DPP10: variants seen among roughly 807,000 people sequenced by gnomAD.
DPP10 encodes the protein dipeptidyl peptidase like 10.
Under a neutral mutation model 120.9 loss-of-function variants are expected in DPP10, and 33 were observed. The observed-to-expected ratio is 0.27, with a 90% CI of 0.21 to 0.37. The LOEUF (loss-of-function observed/expected upper bound fraction) is 0.37, where lower values mean the gene tolerates loss of function less well. Ranked by LOEUF, DPP10 falls within the 10% of genes least tolerant of loss-of-function variation. DPP10 has a pLI of 1.00. For missense variants in DPP10, 816 were observed against 942.8 expected (o/e 0.87, Z 1.76); for synonymous variants, 337 against 326.1 (o/e 1.03, Z -0.36).
At chr2:115,774,416 G>A (rs114546563) in intron 13 of DPP10, among the ~76,000 whole-genome samples, 1 of 152,078 alleles carries the variant, frequency 6.6e-6, no homozygotes, top group African/African-American at 2.4e-5. Flanking sequence ...TTAGTATCCT[G>A]TCCTTGGCTC....
intron 1 of DPP10, among the ~76,000 whole-genome samples, chr2:115,015,280 G>T (rs1453719614): frequency 6.6e-6 from 1 of 152,070 alleles, no homozygotes; most frequent in Non-Finnish European, 1.5e-5. Context: ...ATGCAGAAAA[G>T]GCCTTCGATA....
chr2:115,196,028 C>G (rs1213477065), intron 1 of DPP10, among the ~76,000 whole-genome samples: 1 of 152,286 alleles, frequency 6.6e-6, no homozygotes, highest in South Asian at 2.1e-4. Flanking sequence ...TCATGTCCAT[C>G]TGAAGTGTTT....
At chr2:115,290,098 C>T (rs2060592435) in intron 1 of DPP10, among the ~76,000 whole-genome samples, 1 of 151,926 alleles carries the variant, frequency 6.6e-6, no homozygotes, top group Non-Finnish European at 1.5e-5. Context: ...AACTATACAT[C>T]CAACAAAGGA....
intron 1 of DPP10, among the ~76,000 whole-genome samples, chr2:114,965,360 C>T (rs1698932680): frequency 6.6e-6 from 1 of 152,036 alleles, no homozygotes; most frequent in African/African-American, 2.4e-5. Flanking sequence ...TGGTCTCAAA[C>T]TCCTGACCTC....
chr2:115,303,578 T>A (rs937667666), intron 1 of DPP10, among the ~76,000 whole-genome samples: 1 of 151,966 alleles, frequency 6.6e-6, no homozygotes, highest in African/African-American at 2.4e-5. Flanking sequence ...GCATAGTGAA[T>A]GTTTTATATC....
chr2:114,934,339 C>T (rs956452170), intron 1 of DPP10, among the ~76,000 whole-genome samples: 1 of 152,138 alleles, frequency 6.6e-6, no homozygotes, highest in East Asian at 1.9e-4. Flanking sequence ...GTGGGTTACA[C>T]TTATTGTATA....
At chr2:115,426,605 AT>A (rs1479752157) in intron 3 of DPP10, among the ~76,000 whole-genome samples, 10 of 145,670 alleles carry the variant, frequency 6.9e-5, no homozygotes, top group African/African-American at 1.5e-4. Context: ...TGGAGATGAC[AT>A]TTCAACATGA....
intron 1 of DPP10, among the ~76,000 whole-genome samples, chr2:114,809,465 A>G (rs1258614387): frequency 6.6e-6 from 1 of 152,236 alleles, no homozygotes; most frequent in East Asian, 1.9e-4. Context: ...CTTCGATAAA[A>G]GTAGTCGATG....
chr2:115,213,531 A>G (rs773683069), intron 1 of DPP10, among the ~76,000 whole-genome samples: 11 of 152,040 alleles, frequency 7.2e-5, no homozygotes, highest in Non-Finnish European at 1.5e-4. Context: ...TTTTTAGACT[A>G]AAGTCTTTTT....
chr2:115,286,538 TATAAA>T (rs2060409296), intron 1 of DPP10, among the ~76,000 whole-genome samples: 1 of 113,884 alleles, frequency 8.8e-6, no homozygotes, highest in Non-Finnish European at 1.8e-5. Context: ...TATATATATA[TATAAA>T]ATATATACAG....
At chr2:114,512,331 T>C (rs1684214198) in intron 1 of DPP10, among the ~76,000 whole-genome samples, 1 of 152,212 alleles carries the variant, frequency 6.6e-6, no homozygotes, top group Non-Finnish European at 1.5e-5. Context: ...TCATTGTTAC[T>C]AAACTAACCA....
intron 1 of DPP10, among the ~76,000 whole-genome samples, chr2:114,766,464 T>G (rs1680711421): frequency 6.6e-6 from 1 of 152,186 alleles, no homozygotes; most frequent in African/African-American, 2.4e-5. Flanking sequence ...AGAAATGAAC[T>G]TTTATTCACA....
At chr2:115,565,903 A>C (rs1286482281) in intron 5 of DPP10, among the ~76,000 whole-genome samples, 2 of 150,422 alleles carry the variant, frequency 1.3e-5, no homozygotes, top group East Asian at 3.9e-4. Flanking sequence ...CTCCTGCCTC[A>C]GCCTCCCATG....
chr2:115,472,065 A>G (rs924040143), intron 3 of DPP10, among the ~76,000 whole-genome samples: 26 of 152,132 alleles, frequency 1.7e-4, no homozygotes, highest in Admixed American at 1.3e-3. Context: ...ATAAAAAAAC[A>G]TTCCTTGAGA....
intron 5 of DPP10, among the ~76,000 whole-genome samples, chr2:115,544,466 A>G (rs1463025678): frequency 2.0e-5 from 3 of 152,086 alleles, no homozygotes; most frequent in African/African-American, 4.8e-5. Context: ...TGTAATCTCA[A>G]TTGAGGCCAT....
At chr2:114,489,525 TC>T (rs1277903574) in intron 1 of DPP10, among the ~76,000 whole-genome samples, 3 of 152,194 alleles carry the variant, frequency 2.0e-5, no homozygotes, top group Admixed American at 1.3e-4. Flanking sequence ...TAACATCATC[TC>T]CCAGGAAGGC....
intron 1 of DPP10, among the ~76,000 whole-genome samples, chr2:114,616,339 C>G (rs1002433355): frequency 6.6e-6 from 1 of 152,090 alleles, no homozygotes; most frequent in African/African-American, 2.4e-5. Context: ...AGACATTGCA[C>G]CAGTTCTGAG....
intron 1 of DPP10, among the ~76,000 whole-genome samples, chr2:114,522,109 A>T (rs1212647738): frequency 3.3e-4 from 48 of 146,288 alleles, no homozygotes; most frequent in Non-Finnish European, 6.9e-4. Flanking sequence ...CCTCCCAAGT[A>T]GCTGGGACTA....
At chr2:115,453,327 A>T (rs779008528) in intron 3 of DPP10, among the ~76,000 whole-genome samples, 4 of 151,412 alleles carry the variant, frequency 2.6e-5, no homozygotes, top group African/African-American at 4.8e-5. Flanking sequence ...TTCTTGCCTT[A>T]TTTTCAATTA....
Sources: allele counts gnomAD v4.1 joint callset (sites outside exome capture counted in the v4.1 genomes callset), GRCh38; gene constraint gnomAD v4.1.1; transcripts MANE v1.5; gene names NCBI Gene and HGNC (gene_info 2026-07-23, HGNC 2026-07-21).